The following CHCHD3 variants were observed in gnomAD, a reference collection of about 807,000 sequenced individuals.
CHCHD3 encodes coiled-coil-helix-coiled-coil-helix domain containing 3.
Under a neutral mutation model 38.2 loss-of-function variants are expected in CHCHD3, and 20 were observed. The observed-to-expected ratio is 0.52, with a 90% CI of 0.37 to 0.76. The LOEUF is 0.76. Among genes scored for constraint, CHCHD3 ranks in the 30% least tolerant of loss-of-function variants. The pLI is 0.00. For synonymous variants in CHCHD3, 82 were observed against 100.0 expected (o/e 0.82, Z 1.07); for missense variants, 245 against 279.2 (o/e 0.88, Z 0.87).
At chr7:132,804,932 T>G (rs1806877294) in intron 6 of CHCHD3, among the ~76,000 whole-genome samples, 1 of 152,198 alleles carries the variant, frequency 6.6e-6, no homozygotes, top group Non-Finnish European at 1.5e-5. Flanking sequence ...TCAAGCCTTT[T>G]GTCTGTTTTC....
At chr7:132,812,452 AC>A (rs1807097181) in intron 6 of CHCHD3, among the ~76,000 whole-genome samples, 1 of 151,006 alleles carries the variant, frequency 6.6e-6, no homozygotes, top group African/African-American at 2.4e-5. Context: ...CAAGTGATCT[AC>A]CCATCTCGGC....
intron 5 of CHCHD3, among the ~76,000 whole-genome samples, chr7:132,845,616 A>G (rs1389808776): frequency 1.3e-5 from 2 of 152,168 alleles, no homozygotes; most frequent in Non-Finnish European, 2.9e-5. Context: ...TGAACAGCCA[A>G]AGTACTTTAA....
chr7:132,978,529 G>GTGAA (rs953613524), intron 3 of CHCHD3, among the ~76,000 whole-genome samples: 3 of 152,020 alleles, frequency 2.0e-5, no homozygotes, highest in Admixed American at 6.5e-5. Flanking sequence ...GTATGCATGT[G>GTGAA]TGAATGAATG....
intron 5 of CHCHD3, among the ~76,000 whole-genome samples, chr7:132,870,646 G>C (rs1808745621): frequency 6.6e-6 from 1 of 151,596 alleles, no homozygotes; most frequent in African/African-American, 2.4e-5. Context: ...ATTTATCTAA[G>C]AATAAATAGC....
intron 4 of CHCHD3, among the ~76,000 whole-genome samples, chr7:132,930,582 T>C (rs1810490369): frequency 6.6e-6 from 1 of 152,158 alleles, no homozygotes; most frequent in Non-Finnish European, 1.5e-5. Context: ...TGGAAGGCTA[T>C]ACCACATTTC....
chr7:132,801,904 T>C (rs10268138), intron 6 of CHCHD3, among the ~76,000 whole-genome samples: 24,769 of 152,144 alleles, frequency 0.16, 2,315 homozygotes, highest in African/African-American at 0.25. Context: ...GTGGGGAACG[T>C]GACCTGGAGG....
chr7:132,936,512 G>GA (rs778533526), intron 4 of CHCHD3, among the ~76,000 whole-genome samples: 1 of 152,172 alleles, frequency 6.6e-6, no homozygotes, highest in Non-Finnish European at 1.5e-5. Context: ...CAGCACACCT[G>GA]AATGTCTTCC....
intron 5 of CHCHD3, among the ~76,000 whole-genome samples, chr7:132,853,989 A>G (rs1808283206): frequency 6.6e-6 from 1 of 152,184 alleles, no homozygotes; most frequent in Admixed American, 6.5e-5. Flanking sequence ...ATTTTACCCT[A>G]TCAAACTGGC....
chr7:132,990,706 C>T (rs1292329455), intron 3 of CHCHD3, among the ~76,000 whole-genome samples: 1 of 152,020 alleles, frequency 6.6e-6, no homozygotes, highest in Non-Finnish European at 1.5e-5. Flanking sequence ...TGCCAGGACT[C>T]GAATTTTGAA....
In CHCHD3 at chr7:132,953,638, C is replaced by G. The variant is rs190631669; in HGVS notation, c.369+21531G>C. Among the ~76,000 whole-genome samples the G allele has an allele frequency of 1.8e-4, 27 of 152,276 alleles. No individual in the cohort carries two copies. The East Asian group carries it at 4.2e-3, about 24-fold the overall frequency. ...CTCAACTTAGGACATGTATGGTGAACTGCATAAATTCCATTCAGGAAGTGT... is the reference window on the plus strand; with the variant it reads ...CTCAACTTAGGACATGTATGGTGAAGTGCATAAATTCCATTCAGGAAGTGT... On this transcript the variant is annotated intron_variant, in intron 4 of 7. Coordinates refer to ENST00000262570, the MANE Select transcript of CHCHD3 (RefSeq NM_017812.4).
At chr7:132,921,765 A>G (rs1194076354) in intron 4 of CHCHD3, among the ~76,000 whole-genome samples, 1 of 152,246 alleles carries the variant, frequency 6.6e-6, no homozygotes, top group Non-Finnish European at 1.5e-5. Flanking sequence ...GGCAGCCTGC[A>G]AAGCCTGAAG....
chr7:132,907,095 T>G (rs900758757), intron 4 of CHCHD3, among the ~76,000 whole-genome samples: 1 of 152,180 alleles, frequency 6.6e-6, no homozygotes, highest in Non-Finnish European at 1.5e-5. Context: ...AAGAACAAAA[T>G]AAACTTAATA....
chr7:132,821,963 C>T (rs1404280489), intron 6 of CHCHD3, among the ~76,000 whole-genome samples: 1 of 151,980 alleles, frequency 6.6e-6, no homozygotes. Context: ...GGGGTTTCAC[C>T]TTGTTAGCCA....
At chr7:132,896,169 C>A (rs1289387746) in intron 4 of CHCHD3, among the ~76,000 whole-genome samples, 1 of 152,158 alleles carries the variant, frequency 6.6e-6, no homozygotes, top group African/African-American at 2.4e-5. Flanking sequence ...TGAAATCATT[C>A]CCCAGTGAGA....
At chr7:132,800,118 A>AT (rs1012295559) in intron 6 of CHCHD3, among the ~76,000 whole-genome samples, 2 of 152,216 alleles carry the variant, frequency 1.3e-5, no homozygotes, top group African/African-American at 4.8e-5. Context: ...ATATCCAAGT[A>AT]TTTTTTCTCC....
chr7:132,993,262 A>C (rs1026287023), intron 3 of CHCHD3, among the ~76,000 whole-genome samples: 1 of 152,350 alleles, frequency 6.6e-6, no homozygotes, highest in South Asian at 2.1e-4. Context: ...TTTATATCAC[A>C]TAATTATCAC....
intron 6 of CHCHD3, among the ~76,000 whole-genome samples, chr7:132,809,465 G>C (rs901676883): frequency 2.0e-5 from 3 of 152,206 alleles, no homozygotes; most frequent in Non-Finnish European, 2.9e-5. Flanking sequence ...TGAATGAATA[G>C]CCTGCAAAAT....
chr7:132,888,103 T>C (rs1022019271), intron 4 of CHCHD3, among the ~76,000 whole-genome samples: 2 of 151,456 alleles, frequency 1.3e-5, no homozygotes, highest in African/African-American at 4.8e-5. Flanking sequence ...AAAAAAGCTA[T>C]ATAAAGGCAG....
chr7:132,992,431 T>A (rs1798856325), intron 3 of CHCHD3, among the ~76,000 whole-genome samples: 2 of 152,080 alleles, frequency 1.3e-5, no homozygotes, highest in Admixed American at 1.3e-4. Context: ...GAGCCTCTCC[T>A]CCAAGCTTTA....
Sources: gnomAD v4.1 joint callset for allele counts (sites outside exome capture counted in the v4.1 genomes callset) on GRCh38, gnomAD v4.1.1 for gene constraint, MANE v1.5 for transcripts, NCBI Gene and HGNC (gene_info 2026-07-23, HGNC 2026-07-21) for gene names.